The following PYROXD2 variants were observed in gnomAD, a reference collection of about 807,000 sequenced individuals.
The protein encoded by PYROXD2 is pyridine nucleotide-disulfide oxidoreductase domain-containing protein 2.
In PYROXD2, 69 loss-of-function variants were observed where a neutral mutation model predicts 71.1. The observed-to-expected ratio is 0.97, with a 90% confidence interval of 0.80 to 1.19. The LOEUF is 1.19. Among genes scored for constraint, PYROXD2 ranks in the 50% most tolerant of loss-of-function variants. The probability of loss-of-function intolerance (pLI) is 0.00; values close to 1 mark genes in which losing one functional copy is unlikely to be tolerated. For missense variants in PYROXD2, 745 were observed against 748.9 expected, an observed-to-expected ratio of 0.99 and a Z score of 0.06; for synonymous variants, 287 against 302.7, an observed-to-expected ratio of 0.95 and a Z score of 0.54.
In PYROXD2 at chr10:98,388,515, G is replaced by A. The variant is rs372148599; in HGVS notation, c.1293-7C>T. The A allele has an allele frequency of 2.0e-5, 32 of 1,581,532 alleles. No individual in the cohort carries two copies. The highest frequency in any genetic ancestry group is 1.7e-4 in the Middle Eastern group (1 of 5,946). ...GCAGAGCTCAATCACAGGCCTGTGC[G>A]GGCAGGGAGGAGACGGCAGGTCTAA... is the stretch of plus-strand genomic sequence containing the variant. On this transcript the variant is annotated splice_region_variant and splice_polypyrimidine_tract_variant and intron_variant, in intron 12 of 15. Transcript: ENST00000370575.
intron 15 of PYROXD2, among the ~76,000 whole-genome samples, 177 bp downstream of exon 15, chr10:98,384,770 C>T (rs768792184): frequency 7.9e-5 from 12 of 152,174 alleles, no homozygotes; most frequent in Non-Finnish European, 1.3e-4. Flanking sequence ...GTGGAGGCAG[C>T]GGCTGTGTGC....
At chr10:98,400,374 T>C in intron 4 of PYROXD2, 117 bp from the exon 5 acceptor site, 1 of 964,764 alleles carries the variant, frequency 1.0e-6, no homozygotes. Context: ...TTCCCAAGTG[T>C]ATGGTCCTGG....
intron 4 of PYROXD2, among the ~76,000 whole-genome samples, chr10:98,405,654 T>C (rs988575238): frequency 6.6e-6 from 1 of 152,126 alleles, no homozygotes; most frequent in Non-Finnish European, 1.5e-5. Flanking sequence ...AGCCGGCCGG[T>C]TTCCAGCAGC....
chr10:98,392,396 G>A, intron 10 of PYROXD2, 36 bp downstream of exon 10: 1 of 1,602,854 alleles, frequency 6.2e-7, no homozygotes, highest in Non-Finnish European at 8.5e-7. Flanking sequence ...TGTTTTGGCA[G>A]ACATCTAAGC....
chr10:98,385,108 C>T (rs748500689), intron 14 of PYROXD2, 41 bp from the exon 15 acceptor site: 3 of 1,609,994 alleles, frequency 1.9e-6, no homozygotes, highest in Admixed American at 3.4e-5. Context: ...AGGAGAGTTA[C>T]AGCCTTTCCT....
chr10:98,402,662 G>T (rs1455495218), intron 4 of PYROXD2, among the ~76,000 whole-genome samples: 1 of 152,220 alleles, frequency 6.6e-6, no homozygotes, highest in Non-Finnish European at 1.5e-5. Context: ...CCAGATCCGT[G>T]GCCTGCAACC....
intron 5 of PYROXD2, among the ~76,000 whole-genome samples, chr10:98,397,700 G>A (rs1394650234): frequency 2.6e-5 from 4 of 152,088 alleles, no homozygotes; most frequent in Admixed American, 6.6e-5. Context: ...GGGGTGGGGT[G>A]GTGGTGGTCA....
intron 4 of PYROXD2, 88 bp downstream of exon 4, chr10:98,407,494 C>G: frequency 6.5e-7 from 1 of 1,531,446 alleles, no homozygotes; most frequent in South Asian, 1.2e-5. Context: ...GGCATCACCT[C>G]GGGCACAGAA....
In PYROXD2 at chr10:98,383,723, C is replaced by A; in HGVS notation, c.*75G>T. On this transcript the variant is annotated 3_prime_UTR_variant, in exon 16 of 16. Coordinates refer to ENST00000370575, the MANE Select transcript of PYROXD2 (RefSeq NM_032709.3). ...TATGTACTAACCCGAAGCTGAACTT[C>A]CTGGGAAGCTGATCCAATGGAGCAC... 1.5e-6 allele frequency: 2 copies of A among 1,316,270 alleles called. No homozygotes were observed. The highest frequency in any genetic ancestry group is 2.2e-6 in the Non-Finnish European group (2 of 908,510). 81.5% of individuals were successfully genotyped at this position (1,316,270 alleles called of 1,614,324 possible).
chr10:98,393,755 A>G (rs1843037988), intron 8 of PYROXD2, among the ~76,000 whole-genome samples: 1 of 151,986 alleles, frequency 6.6e-6, no homozygotes, highest in South Asian at 2.1e-4. Flanking sequence ...CCACTCACTT[A>G]TCACCATTCC....
intron 2 of PYROXD2, among the ~76,000 whole-genome samples, chr10:98,408,788 C>G (rs557926286): frequency 6.6e-6 from 1 of 152,194 alleles, no homozygotes; most frequent in African/African-American, 2.4e-5. Context: ...ATGCAAAAGT[C>G]GGACTTTTCA....
In PYROXD2 at chr10:98,388,375, T is replaced by C. The variant is rs1297963775; in HGVS notation, c.1426A>G (p.Arg476Gly). The C allele has an allele frequency of 6.2e-7, 1 of 1,613,666 alleles. No homozygotes were observed. Among genetic ancestry groups the C allele is most frequent in the South Asian group, 1.1e-5 (1 of 91,012 alleles). ...TTACCTCTGTCTGCATAAGCGTCTC[T>C]CTCCTGCTCGTCCCAGGCCTTGCCT... is the stretch of plus-strand genomic sequence containing the variant. ...AGGKAWDEQERDAYADRVFDC... is the reference protein window; with the variant it reads ...AGGKAWDEQEGDAYADRVFDC... The change falls in exon 13 of 16, where the codon AGA becomes GGA. Residue 476 changes from arginine to glycine, a missense_variant. Transcript: ENST00000370575.
intron 4 of PYROXD2, among the ~76,000 whole-genome samples, chr10:98,402,119 T>C (rs1317499092): frequency 6.6e-6 from 1 of 152,174 alleles, no homozygotes. Context: ...GGACGGGAAT[T>C]TTTTCAGCTC....
In PYROXD2 at chr10:98,383,619, C is replaced by A; in HGVS notation, c.*179G>T. On this transcript the variant is annotated 3_prime_UTR_variant, in exon 16 of 16. Transcript: ENST00000370575. ...AACAGAACCAGTCCATGTATGGAGG[C>A]ATGGGCATAAGGTCAACTTGCACTA... 1 of 667,180 alleles carries A rather than the reference C, an allele frequency of 1.5e-6. No homozygotes were observed. Among genetic ancestry groups the A allele is most frequent in the Non-Finnish European group, 2.7e-6 (1 of 367,182 alleles). 41.3% of individuals were successfully genotyped at this position (667,180 alleles called of 1,614,324 possible).
At chr10:98,393,908 G>A (rs1213172430) in intron 8 of PYROXD2, among the ~76,000 whole-genome samples, 2 of 152,106 alleles carry the variant, frequency 1.3e-5, no homozygotes, top group African/African-American at 2.4e-5. Flanking sequence ...TGGATCACAC[G>A]TTCTCTCAAC....
At chr10:98,386,392 A>C (rs749349193) in intron 14 of PYROXD2, among the ~76,000 whole-genome samples, 60 of 150,996 alleles carry the variant, frequency 4.0e-4, no homozygotes, top group Non-Finnish European at 6.0e-4. Context: ...TAATGTCAAT[A>C]ATATATTTTA....
intron 14 of PYROXD2, 33 bp from the exon 15 acceptor site, chr10:98,385,100 G>A (rs769005384): frequency 6.2e-7 from 1 of 1,612,172 alleles, no homozygotes; most frequent in Non-Finnish European, 8.5e-7. Context: ...ATCAGCACAG[G>A]AGAGTTACAG....
intron 1 of PYROXD2, among the ~76,000 whole-genome samples, chr10:98,414,452 T>C (rs1843907859): frequency 6.6e-6 from 1 of 152,130 alleles, no homozygotes; most frequent in African/African-American, 2.4e-5. Flanking sequence ...TGCAAGGCAA[T>C]GGGGTCCATC....
intron 1 of PYROXD2, among the ~76,000 whole-genome samples, chr10:98,412,247 A>G (rs1200494476): frequency 1.3e-5 from 2 of 152,256 alleles, no homozygotes; most frequent in Non-Finnish European, 1.5e-5. Flanking sequence ...AGTAAGGTCA[A>G]GGATCCAAAG....
Sources: allele counts gnomAD v4.1 joint callset (sites outside exome capture counted in the v4.1 genomes callset), GRCh38; gene constraint gnomAD v4.1.1; transcripts MANE v1.5; gene names NCBI Gene and HGNC (gene_info 2026-07-23, HGNC 2026-07-21).